Variants in TMEM233 observed in about 807,000 individuals in gnomAD.
TMEM233 encodes the protein transmembrane protein 233.
In TMEM233, 6 loss-of-function variants were observed where a neutral mutation model predicts 11.2. The ratio of observed to expected loss-of-function variants is 0.54; its 90% CI spans 0.29 to 1.06. TMEM233 has a LOEUF of 1.06. Ranked by LOEUF, TMEM233 falls within the 50% of genes least tolerant of loss-of-function variation. TMEM233 has a pLI of 0.08. For missense variants in TMEM233, 127 were observed against 144.7 expected (o/e 0.88, Z 0.63); for synonymous variants, 59 against 55.8 (o/e 1.06, Z -0.26).
intron 1 of TMEM233, among the ~76,000 whole-genome samples, chr12:119,597,851 G>A (rs960224429): frequency 1.3e-5 from 2 of 152,180 alleles, no homozygotes; most frequent in East Asian, 1.9e-4. Context: ...AGGGACGCAT[G>A]TCTCAAGAAT....
chr12:119,606,534 T>A (rs894800128), intron 1 of TMEM233, among the ~76,000 whole-genome samples: 1 of 152,214 alleles, frequency 6.6e-6, no homozygotes, highest in Non-Finnish European at 1.5e-5. Context: ...AAAAATTTGT[T>A]CTAAAATTAG....
At chr12:119,650,622 T>C in the TMEM233 span, among the ~76,000 whole-genome samples, 1 of 118,372 alleles carries the variant, frequency 8.4e-6, no homozygotes, top group South Asian at 2.9e-4. Context: ...GGATTGCTTA[T>C]TTGATTTTGT....
chr12:119,623,023 A>T (rs959543879), intron 1 of TMEM233, among the ~76,000 whole-genome samples: 3 of 152,098 alleles, frequency 2.0e-5, no homozygotes, highest in Non-Finnish European at 4.4e-5. Flanking sequence ...TTGCACCCAA[A>T]TCCCCTTCAG....
intron 2 of TMEM233, among the ~76,000 whole-genome samples, chr12:119,635,431 G>C (rs959994917): frequency 1.3e-5 from 2 of 152,200 alleles, no homozygotes; most frequent in Non-Finnish European, 2.9e-5. Context: ...ATTCTTGCCT[G>C]TGTGGACATG....
the TMEM233 span, among the ~76,000 whole-genome samples, chr12:119,650,632 TTG>T: frequency 7.1e-4 from 6 of 8,478 alleles, no homozygotes; most frequent in Non-Finnish European, 1.3e-3. Flanking sequence ...TTTGATTTTG[TTG>T]TTGTTGTTGT....
At chr12:119,600,771 G>T (rs1204724133) in intron 1 of TMEM233, among the ~76,000 whole-genome samples, 1 of 152,160 alleles carries the variant, frequency 6.6e-6, no homozygotes, top group East Asian at 1.9e-4. Flanking sequence ...AATGGTGGTT[G>T]CCAGAGACTA....
chr12:119,650,653 T>C, the TMEM233 span, among the ~76,000 whole-genome samples: 2 of 152,200 alleles, frequency 1.3e-5, no homozygotes, highest in Non-Finnish European at 2.9e-5. Flanking sequence ...GTTGTTGTTG[T>C]TGTTTTTGAG....
At chr12:119,606,815 A>G (rs930281188) in intron 1 of TMEM233, among the ~76,000 whole-genome samples, 6 of 152,248 alleles carry the variant, frequency 3.9e-5, no homozygotes, top group African/African-American at 1.4e-4. Flanking sequence ...AATATTCATT[A>G]TTGTTGCCGT....
chr12:119,625,964 G>A (rs913957045), intron 1 of TMEM233, among the ~76,000 whole-genome samples: 2 of 152,018 alleles, frequency 1.3e-5, no homozygotes, highest in African/African-American at 4.8e-5. Flanking sequence ...TCCTAGACAC[G>A]ATCAAGGATC....
intron 1 of TMEM233, among the ~76,000 whole-genome samples, chr12:119,596,153 G>A (rs1385292441): frequency 2.6e-5 from 4 of 152,130 alleles, no homozygotes; most frequent in African/African-American, 9.7e-5. Context: ...TTTGCCGAGA[G>A]TCTGGAAACA....
At chr12:119,648,640 T>C in the TMEM233 span, among the ~76,000 whole-genome samples, 2 of 152,232 alleles carry the variant, frequency 1.3e-5, no homozygotes, top group Non-Finnish European at 2.9e-5. Flanking sequence ...TCCCAGCAGA[T>C]CATGAGCCCC....
intron 1 of TMEM233, among the ~76,000 whole-genome samples, chr12:119,611,994 A>G (rs2136706884): frequency 6.6e-6 from 1 of 150,834 alleles, no homozygotes; most frequent in Admixed American, 6.6e-5. Flanking sequence ...GTGCATAGAT[A>G]TTCTTTTTTT....
In TMEM233 at chr12:119,604,585, C is replaced by A. The variant is rs739421; in HGVS notation, c.186+10551C>A. 2.8e-4 allele frequency among the ~76,000 whole-genome samples: 43 copies of A among 151,900 alleles called. 1 individual carries two copies. Among genetic ancestry groups the A allele is most frequent in the Admixed American group, 2.3e-3 (35 of 15,262 alleles). On this transcript the variant is annotated intron_variant, in intron 1 of 2. Coordinates refer to ENST00000426426, the MANE Select transcript of TMEM233 (RefSeq NM_001136534.3). ...TTGCATTGTAGACCCACCTCTCCCC[C>A]TTTCTTCCAACTTGCATGTTTTTTT...
At chr12:119,635,575 A>T (rs1593311123) in intron 2 of TMEM233, among the ~76,000 whole-genome samples, 1 of 152,196 alleles carries the variant, frequency 6.6e-6, no homozygotes. Context: ...TTGTCCAGTG[A>T]CTACCAACTA....
chr12:119,652,843 T>G, the TMEM233 span, among the ~76,000 whole-genome samples: 1 of 152,110 alleles, frequency 6.6e-6, no homozygotes, highest in Non-Finnish European at 1.5e-5. Flanking sequence ...TTAGAGAAAC[T>G]TAAACTCCTC....
At chr12:119,643,754 T>G, downstream of TMEM233, among the ~76,000 whole-genome samples, 1 of 145,750 alleles carries the variant, frequency 6.9e-6, no homozygotes, top group South Asian at 2.1e-4. Flanking sequence ...GGCGACAGAG[T>G]GAGATTCCGT....
intron 1 of TMEM233, among the ~76,000 whole-genome samples, chr12:119,628,401 T>G (rs1332081910): frequency 6.6e-6 from 1 of 151,772 alleles, no homozygotes; most frequent in African/African-American, 2.4e-5. Flanking sequence ...CCTCAGGTGA[T>G]CCACCTGCCT....
Position 119,594,388 on chromosome 12 carries a change from T to C in TMEM233, c.186+354T>C. 4.4e-6 allele frequency: 1 copy of C among 228,240 alleles called. No individual in the cohort carries two copies. The highest frequency in any genetic ancestry group is 8.6e-6 in the Non-Finnish European group (1 of 116,298). The allele number at this position is 228,240 out of a possible 1,614,324, so 14.1% of individuals were successfully genotyped here. A position where few individuals can be genotyped will look rare whatever the true frequency, so the allele number is the denominator to read the frequency against. On this transcript the variant is annotated intron_variant, in intron 1 of 2. Transcript: ENST00000426426. The surrounding 1 kb of genome is among the most constrained non-coding windows in gnomAD (Gnocchi z 5.6). Reference sequence around the variant, plus strand: ...TTCCTAGGCACTTGCCCGGGGCTTCTCAACCCTCTTTTCTAGAGCCCCAGT... The same window carrying C: ...TTCCTAGGCACTTGCCCGGGGCTTCCCAACCCTCTTTTCTAGAGCCCCAGT...
At chr12:119,611,294 G>A (rs935600982) in intron 1 of TMEM233, among the ~76,000 whole-genome samples, 1 of 152,070 alleles carries the variant, frequency 6.6e-6, no homozygotes, top group Non-Finnish European at 1.5e-5. Flanking sequence ...AATCCCACCA[G>A]CCCTGTACAA....
Sources: gnomAD v4.1 joint callset for allele counts (sites outside exome capture counted in the v4.1 genomes callset) on GRCh38, gnomAD v4.1.1 for gene constraint, Gnocchi (gnomAD v3.1) non-coding constraint, MANE v1.5 for transcripts, NCBI Gene and HGNC (gene_info 2026-07-23, HGNC 2026-07-21) for gene names.